Variants in CRACD observed in about 807,000 individuals in gnomAD.
The protein encoded by CRACD is capping protein inhibiting regulator of actin dynamics.
In CRACD, 56 loss-of-function variants were observed where a neutral mutation model predicts 106.8. The observed-to-expected ratio is 0.52, with a 90% CI of 0.42 to 0.66. The LOEUF is 0.66. CRACD is among the 30% of genes least tolerant of loss of function. The pLI, the probability that CRACD is intolerant of heterozygous loss-of-function variation, is 0.00. For missense variants in CRACD, 1,730 were observed against 1,623.2 expected (o/e 1.07, Z -1.13); for synonymous variants, 754 against 670.8 (o/e 1.12, Z -1.92).
At chr4:56,090,494 C>A (rs1211211179) in intron 1 of CRACD, among the ~76,000 whole-genome samples, 1 of 152,102 alleles carries the variant, frequency 6.6e-6, no homozygotes, top group Non-Finnish European at 1.5e-5. Context: ...ACCTCCCAGG[C>A]TCAAGCAATT....
chr4:56,143,592 A>C (rs1735279016), intron 1 of CRACD, among the ~76,000 whole-genome samples: 1 of 152,116 alleles, frequency 6.6e-6, no homozygotes, highest in African/African-American at 2.4e-5. Context: ...ATCATTTATC[A>C]AAATTATATA....
intron 1 of CRACD, among the ~76,000 whole-genome samples, chr4:56,153,007 A>C (rs948182155): frequency 1.3e-5 from 2 of 152,002 alleles, no homozygotes; most frequent in Admixed American, 6.6e-5. Context: ...GGCCAGGTGC[A>C]GTGGCTCACG....
chr4:56,116,576 T>C (rs1734290474), intron 1 of CRACD, among the ~76,000 whole-genome samples: 1 of 152,222 alleles, frequency 6.6e-6, no homozygotes, highest in African/African-American at 2.4e-5. Context: ...TCAACCCTCA[T>C]CAAGTTTGTC....
chr4:56,298,381 A>AT, intron 4 of CRACD, 32 bp downstream of exon 4: 1 of 1,611,204 alleles, frequency 6.2e-7, no homozygotes, highest in Non-Finnish European at 8.5e-7. Context: ...ATTACGAGCC[A>AT]TAGGAGGGGC....
At chr4:56,166,377 G>T (rs1736144725) in intron 1 of CRACD, among the ~76,000 whole-genome samples, 1 of 152,146 alleles carries the variant, frequency 6.6e-6, no homozygotes, top group South Asian at 2.1e-4. Context: ...GAACAGATAA[G>T]TAAATTAAGA....
intron 1 of CRACD, among the ~76,000 whole-genome samples, 199 bp downstream of exon 1, chr4:56,049,498 G>A (rs1359467376): frequency 6.6e-6 from 1 of 151,988 alleles, no homozygotes; most frequent in Non-Finnish European, 1.5e-5. Context: ...GGACCCTCCC[G>A]GAGGAACCTG....
chr4:56,199,989 A>T (rs909715202), intron 2 of CRACD, among the ~76,000 whole-genome samples: 2 of 149,026 alleles, frequency 1.3e-5, no homozygotes, highest in South Asian at 2.1e-4. Flanking sequence ...TTTCATTTTT[A>T]TTTTTTTTTC....
In CRACD at chr4:56,059,963, T is replaced by C. The variant is rs370875996; in HGVS notation, c.-336+10664T>C. On this transcript the variant is annotated intron_variant, in intron 1 of 10. Transcript: ENST00000682029. Reference sequence around the variant, plus strand: ...CCTCCCAAAGTGCTGGGATTACAGGTGTGAGCCACTGCACCTGGCCTATAA... The same window carrying C: ...CCTCCCAAAGTGCTGGGATTACAGGCGTGAGCCACTGCACCTGGCCTATAA... Among the ~76,000 whole-genome samples the C allele has an allele frequency of 3.4e-4, 52 of 152,282 alleles. 1 individual carries two copies. In the South Asian group the frequency reaches 7.9e-3, roughly 23 times the overall value.
At chr4:56,254,733 A>G (rs1252839661) in intron 2 of CRACD, among the ~76,000 whole-genome samples, 2 of 152,074 alleles carry the variant, frequency 1.3e-5, no homozygotes, top group Non-Finnish European at 2.9e-5. Flanking sequence ...TACATACTCC[A>G]GCATGGTTTG....
rs116929980 is a variant in CRACD, at chr4:56,125,507, C to T, written c.-335-53777C>T. 4.3e-4 allele frequency among the ~76,000 whole-genome samples: 65 copies of T among 152,210 alleles called. No homozygotes were observed. In the East Asian group the frequency reaches 0.011, roughly 26 times the overall value. The stretch of plus-strand genomic sequence containing the variant: ...GTGCATGGCTCACTGCATCCTCAAC[C>T]TCCTGGGCTCTAGCAGTCCTCCCAC... On this transcript the variant is annotated intron_variant, in intron 1 of 10. Coordinates refer to ENST00000682029, the MANE Select transcript of CRACD (RefSeq NM_001393381.1).
chr4:56,294,716 C>T (rs1743889633), intron 3 of CRACD, among the ~76,000 whole-genome samples: 1 of 151,830 alleles, frequency 6.6e-6, no homozygotes, highest in Non-Finnish European at 1.5e-5. Flanking sequence ...GAGTTCTATA[C>T]CAGCCTGGCC....
chr4:56,271,122 A>T (rs867063028), intron 2 of CRACD, among the ~76,000 whole-genome samples: 1 of 151,988 alleles, frequency 6.6e-6, no homozygotes, highest in Non-Finnish European at 1.5e-5. Flanking sequence ...AAAAAAAAAA[A>T]AGTTTTTAAA....
intron 5 of CRACD, among the ~76,000 whole-genome samples, chr4:56,308,468 TA>T (rs1051618907): frequency 4.8e-4 from 63 of 130,312 alleles, no homozygotes; most frequent in African/African-American, 1.1e-3. Context: ...GGTTTCACTT[TA>T]AAAAAAAAAA....
intron 2 of CRACD, among the ~76,000 whole-genome samples, chr4:56,243,663 T>A (rs1740501046): frequency 6.6e-6 from 1 of 152,180 alleles, no homozygotes; most frequent in Non-Finnish European, 1.5e-5. Flanking sequence ...ATAGTAGGTG[T>A]ATATATTTTT....
chr4:56,229,698 T>G (rs1339028572), intron 2 of CRACD, among the ~76,000 whole-genome samples: 1 of 152,190 alleles, frequency 6.6e-6, no homozygotes, highest in Non-Finnish European at 1.5e-5. Context: ...TACCACCTCA[T>G]GATCATCATT....
At chr4:56,082,810 G>A (rs1467751064) in intron 1 of CRACD, among the ~76,000 whole-genome samples, 1 of 151,780 alleles carries the variant, frequency 6.6e-6, no homozygotes, top group South Asian at 2.1e-4. Context: ...CAAGAACAGA[G>A]GACATCAAAT....
At chr4:56,106,304 G>A (rs1022630162) in intron 1 of CRACD, among the ~76,000 whole-genome samples, 8 of 152,186 alleles carry the variant, frequency 5.3e-5, no homozygotes, top group African/African-American at 1.9e-4. Flanking sequence ...GGAAGACTCT[G>A]AATTATAAAC....
At chr4:56,183,290 A>AAATAAAATAAAAAAAATAT (rs1560475172) in intron 2 of CRACD, among the ~76,000 whole-genome samples, 1 of 75,332 alleles carries the variant, frequency 1.3e-5, no homozygotes, top group African/African-American at 5.1e-5. Context: ...TAAAATAAAA[A>AAATAAAATAAAAAAAATAT]GAATTAGGGG....
intron 3 of CRACD, among the ~76,000 whole-genome samples, chr4:56,290,485 T>G (rs1428097638): frequency 6.6e-6 from 1 of 151,914 alleles, no homozygotes; most frequent in Non-Finnish European, 1.5e-5. Context: ...AGTATTGGAG[T>G]GAGGCAGTTA....
Sources: allele counts gnomAD v4.1 joint callset (sites outside exome capture counted in the v4.1 genomes callset), GRCh38; gene constraint gnomAD v4.1.1; transcripts MANE v1.5; gene names NCBI Gene and HGNC (gene_info 2026-07-23, HGNC 2026-07-21).